Variants in WIPF3 observed in about 807,000 individuals in gnomAD.
WIPF3 encodes the protein WAS/WASL-interacting protein family member 3.
WIPF3 carries 33 observed loss-of-function variants against 38.9 expected under a neutral mutation model. The ratio of observed to expected loss-of-function variants is 0.85; its 90% CI spans 0.64 to 1.14. WIPF3 has a LOEUF of 1.14. Among genes scored for constraint, WIPF3 ranks in the 50% most tolerant of loss-of-function variants. WIPF3 has a pLI of 0.00. For synonymous variants in WIPF3, 324 were observed against 269.3 expected (o/e 1.20, Z -1.99); for missense variants, 711 against 652.5 (o/e 1.09, Z -0.98).
chr7:29,846,054 C>T (rs1480342082), intron 2 of WIPF3, among the ~76,000 whole-genome samples: 1 of 152,170 alleles, frequency 6.6e-6, no homozygotes, highest in Non-Finnish European at 1.5e-5. Flanking sequence ...AGAACACCCT[C>T]AATGCATTTA....
Position 29,825,548 on chromosome 7 carries a change from A to G in WIPF3, c.-57-9120A>G, listed in dbSNP as rs556638685. On this transcript the variant is annotated intron_variant, in intron 1 of 8. Transcript: ENST00000242140. ...GAAAGAGAAGAAAGACAGGAAATCA[A>G]TATTTTCTCCTTTCACCCTTGGGAA... Among the ~76,000 whole-genome samples, 53 of 152,330 alleles carry G rather than the reference A, an allele frequency of 3.5e-4. 1 individual carries two copies. In the South Asian group the frequency reaches 8.3e-3, roughly 24 times the overall value.
intron 2 of WIPF3, among the ~76,000 whole-genome samples, chr7:29,862,099 G>T (rs527925055): frequency 1.3e-5 from 2 of 152,190 alleles, no homozygotes; most frequent in East Asian, 3.9e-4. Flanking sequence ...GGTCATTCTG[G>T]CACTCCATGG....
intron 2 of WIPF3, among the ~76,000 whole-genome samples, chr7:29,873,293 G>A (rs918047296): frequency 6.6e-6 from 1 of 152,086 alleles, no homozygotes; most frequent in Non-Finnish European, 1.5e-5. Flanking sequence ...CTTCCCTAAG[G>A]CTCCTCTGAG....
rs1331160819 is a variant in WIPF3, at chr7:29,888,064, T to C, written c.1100-4T>C. On this transcript the variant is annotated splice_region_variant and splice_polypyrimidine_tract_variant and intron_variant, in intron 5 of 8. Coordinates refer to ENST00000242140, the MANE Select transcript of WIPF3 (RefSeq NM_001080529.3). ...TCTGAGTACACCATCATCTTCTCTG[T>C]AAGGGGCCGGTGGGGGAAAGCTAAA... The C allele has an allele frequency of 8.7e-6, 14 of 1,613,760 alleles. No homozygotes were observed. Among genetic ancestry groups the C allele is most frequent in the Non-Finnish European group, 1.1e-5 (13 of 1,179,828 alleles).
At chr7:29,898,884 G>A (rs573083268) in intron 7 of WIPF3, among the ~76,000 whole-genome samples, 30 of 152,106 alleles carry the variant, frequency 2.0e-4, no homozygotes, top group South Asian at 1.2e-3. Flanking sequence ...CCATGTGACC[G>A]TCTCCCTACT....
intron 2 of WIPF3, among the ~76,000 whole-genome samples, chr7:29,868,762 A>G (rs1286652354): frequency 6.6e-6 from 1 of 152,088 alleles, no homozygotes; most frequent in Non-Finnish European, 1.5e-5. Context: ...CTAGGCTACA[A>G]ACCTGTATGG....
intron 2 of WIPF3, among the ~76,000 whole-genome samples, chr7:29,838,292 T>C (rs138074604): frequency 1.3e-5 from 2 of 151,854 alleles, no homozygotes; most frequent in South Asian, 4.2e-4. Context: ...GAGCAAAACT[T>C]AGTGAAATGC....
intron 2 of WIPF3, among the ~76,000 whole-genome samples, chr7:29,836,571 G>T (rs767056879): frequency 1.7e-4 from 26 of 152,274 alleles, no homozygotes; most frequent in Non-Finnish European, 2.4e-4. Context: ...TTTATGCAAG[G>T]ATATGTCCAA....
chr7:29,888,282 A>T (rs1027578987), intron 6 of WIPF3, 65 bp downstream of exon 6: 4 of 1,536,176 alleles, frequency 2.6e-6, no homozygotes, highest in Non-Finnish European at 2.6e-6. Context: ...CAACCTCTGG[A>T]GAGAGAGTTT....
intron 2 of WIPF3, among the ~76,000 whole-genome samples, chr7:29,860,932 G>C (rs1484606442): frequency 6.6e-6 from 1 of 152,166 alleles, no homozygotes; most frequent in African/African-American, 2.4e-5. Flanking sequence ...GTGGGGAGCG[G>C]TGGGGGTGGG....
chr7:29,830,931 G>A (rs772610265), intron 1 of WIPF3, among the ~76,000 whole-genome samples: 5 of 152,198 alleles, frequency 3.3e-5, no homozygotes, highest in Non-Finnish European at 7.3e-5. Flanking sequence ...ACTCACGAAA[G>A]TGTATTTGTA....
intron 2 of WIPF3, among the ~76,000 whole-genome samples, chr7:29,839,686 G>C (rs937164445): frequency 1.4e-4 from 22 of 152,056 alleles, no homozygotes; most frequent in Admixed American, 1.1e-3. Context: ...AGCTAAAACT[G>C]GTTTTTACAT....
Position 29,884,063 on chromosome 7 carries a change from T to A in WIPF3, c.569T>A (p.Leu190His). The A allele has an allele frequency of 1.2e-6, 1 of 843,186 alleles. No individual in the cohort carries two copies. The highest frequency in any genetic ancestry group is 1.4e-6 in the Non-Finnish European group (1 of 710,990). 52.2% of individuals were successfully genotyped at this position (843,186 alleles called of 1,614,324 possible). The change falls in exon 5 of 9, where the codon CTT (leucine) becomes CAT (histidine). Residue 190 changes from leucine (L) to histidine (H), a missense_variant. Coordinates refer to ENST00000242140, the MANE Select transcript of WIPF3 (RefSeq NM_001080529.3). Reference protein sequence around the residue: ...PPPPPPLPPPLPSSSPIKTPL... With the variant: ...PPPPPPLPPPHPSSSPIKTPL... ...CCGCCTCCACCCTTACCCCCGCCCC[T>A]TCCCTCTTCCTCCCCCATCAAAACT...
chr7:29,881,469 A>G (rs1785714856), intron 4 of WIPF3, among the ~76,000 whole-genome samples: 1 of 152,214 alleles, frequency 6.6e-6, no homozygotes, highest in Non-Finnish European at 1.5e-5. Flanking sequence ...TTAGGGACCC[A>G]TGAAAATATT....
At chr7:29,825,360 AT>A (rs1161155182) in intron 1 of WIPF3, among the ~76,000 whole-genome samples, 1 of 152,340 alleles carries the variant, frequency 6.6e-6, no homozygotes, top group East Asian at 1.9e-4. Context: ...AGGAAAAAAA[AT>A]ATTAAGCTCC....
chr7:29,886,464 C>A (rs981719475), intron 5 of WIPF3, among the ~76,000 whole-genome samples: 1 of 135,924 alleles, frequency 7.4e-6, no homozygotes, highest in Non-Finnish European at 1.5e-5. Context: ...TCAAGTGATT[C>A]TTGTGCCTCA....
At chr7:29,849,549 TTCACCTTCAGTGTTC>T (rs1416067159) in intron 2 of WIPF3, among the ~76,000 whole-genome samples, 3 of 152,214 alleles carry the variant, frequency 2.0e-5, no homozygotes, top group Non-Finnish European at 4.4e-5. Flanking sequence ...TGGAAGAATT[TTCACCTTCAGTGTTC>T]TCTAGTCTGA....
chr7:29,842,003 C>T (rs1162268797), intron 2 of WIPF3, among the ~76,000 whole-genome samples: 2 of 152,162 alleles, frequency 1.3e-5, no homozygotes, highest in African/African-American at 4.8e-5. Flanking sequence ...ACTTTGACCC[C>T]TTGGTAGATT....
At chr7:29,835,007 C>A (rs1583596127) in intron 2 of WIPF3, among the ~76,000 whole-genome samples, 193 bp downstream of exon 2, 1 of 152,076 alleles carries the variant, frequency 6.6e-6, no homozygotes, top group East Asian at 1.9e-4. Context: ...CTCCCCCATT[C>A]TTCGGCAGCT....
Sources: allele counts gnomAD v4.1 joint callset (sites outside exome capture counted in the v4.1 genomes callset), GRCh38; gene constraint gnomAD v4.1.1; transcripts MANE v1.5; gene names NCBI Gene and HGNC (gene_info 2026-07-23, HGNC 2026-07-21).